The following CACNA2D1 variants were observed in gnomAD, a reference collection of about 807,000 sequenced individuals.
The protein encoded by CACNA2D1 is calcium voltage-gated channel auxiliary subunit alpha2delta 1, also known as voltage-dependent calcium channel subunit alpha-2/delta-1.
In CACNA2D1, 53 loss-of-function variants were observed where a neutral mutation model predicts 171.5. That is an observed-to-expected ratio of 0.31 (90% CI 0.25 to 0.39). The LOEUF (loss-of-function observed/expected upper bound fraction) is 0.39. Among genes scored for constraint, CACNA2D1 ranks in the 10% least tolerant of loss-of-function variants. CACNA2D1 has a pLI of 1.00. For synonymous variants in CACNA2D1, 442 were observed against 443.1 expected, an observed-to-expected ratio of 1.00 and a Z score of 0.03; for missense variants, 903 against 1,299.8, an observed-to-expected ratio of 0.69 and a Z score of 4.69.
intron 7 of CACNA2D1, among the ~76,000 whole-genome samples, chr7:82,076,580 C>A (rs1278558707): frequency 6.6e-6 from 1 of 152,072 alleles, no homozygotes; most frequent in Non-Finnish European, 1.5e-5. Flanking sequence ...CCTATTTGAT[C>A]CCTTTTTCAG....
chr7:82,137,889 T>A (rs1584883410), intron 4 of CACNA2D1, among the ~76,000 whole-genome samples: 1 of 151,802 alleles, frequency 6.6e-6, no homozygotes. Context: ...AGCAAACATA[T>A]AATACACAAT....
intron 10 of CACNA2D1, among the ~76,000 whole-genome samples, chr7:82,045,846 G>A (rs1363684293): frequency 6.6e-6 from 1 of 152,122 alleles, no homozygotes; most frequent in Non-Finnish European, 1.5e-5. Context: ...TGAGGTGTAC[G>A]ATGTTAAAGT....
rs1411076509 is a variant in CACNA2D1 at position 81,948,735 on chromosome 7, TA to T, written c.*1656del. 6.6e-6 allele frequency: 1 copy of T among 151,954 alleles called. No homozygotes were observed. Among genetic ancestry groups the T allele is most frequent in the African/African-American group, 2.4e-5 (1 of 41,436 alleles). 9.4% of individuals were successfully genotyped at this position (151,954 alleles called of 1,614,324 possible). On this transcript the variant is annotated 3_prime_UTR_variant, in exon 39 of 39. Transcript: ENST00000356860. Reference sequence around the variant, plus strand: ...AAAAAAGAAAAACTGCATTTTATCATAAAAAATATCTACATACGTTCAGCCT... The same window carrying T: ...AAAAAAGAAAAACTGCATTTTATCATAAAAATATCTACATACGTTCAGCCT...
intron 5 of CACNA2D1, among the ~76,000 whole-genome samples, chr7:82,132,286 T>C (rs1791083703): frequency 6.6e-6 from 1 of 152,234 alleles, no homozygotes; most frequent in Non-Finnish European, 1.5e-5. Flanking sequence ...CTTTAATATG[T>C]CAAGAAGAAC....
chr7:82,032,250 C>T (rs1382709158), intron 12 of CACNA2D1, among the ~76,000 whole-genome samples: 4 of 151,828 alleles, frequency 2.6e-5, no homozygotes, highest in Non-Finnish European at 5.9e-5. Flanking sequence ...TTATGAAATG[C>T]TTTCTTTTAA....
intron 3 of CACNA2D1, among the ~76,000 whole-genome samples, chr7:82,243,038 T>C (rs1041689448): frequency 6.6e-6 from 1 of 152,166 alleles, no homozygotes; most frequent in Non-Finnish European, 1.5e-5. Context: ...GGACAGTTTA[T>C]GTTATCAAAA....
rs987453867 is a variant in CACNA2D1, at chr7:82,289,258, C to A, written c.294+45877G>T. On this transcript the variant is annotated intron_variant, in intron 3 of 38. Coordinates refer to ENST00000356860, the MANE Select transcript of CACNA2D1 (RefSeq NM_000722.4). ...ATGACTTTAAGAATCAAGTATCCAA[C>A]ATATACATAATTTAGTACAAACATC... Among the ~76,000 whole-genome samples the A allele has an allele frequency of 8.5e-5, 13 of 152,304 alleles. No individual in the cohort carries two copies. The Middle Eastern group carries it at 0.01, about 120-fold the overall frequency.
chr7:82,439,520 G>A (rs939983541), intron 1 of CACNA2D1, among the ~76,000 whole-genome samples: 2 of 151,574 alleles, frequency 1.3e-5, no homozygotes, highest in Admixed American at 6.6e-5. Context: ...GAAAGCCATG[G>A]GAGGGGGAGA....
intron 16 of CACNA2D1, among the ~76,000 whole-genome samples, chr7:82,007,043 T>G (rs1799188310): frequency 6.6e-6 from 1 of 152,078 alleles, no homozygotes; most frequent in South Asian, 2.1e-4. Context: ...CAATCCTATT[T>G]AAAATCAAAA....
At chr7:81,999,744 A>T (rs891513474) in intron 18 of CACNA2D1, among the ~76,000 whole-genome samples, 1 of 152,206 alleles carries the variant, frequency 6.6e-6, no homozygotes, top group South Asian at 2.1e-4. Context: ...GTATAAGATA[A>T]TACATAAAAA....
At chr7:82,043,422 T>A (rs1804185106) in intron 10 of CACNA2D1, among the ~76,000 whole-genome samples, 1 of 152,196 alleles carries the variant, frequency 6.6e-6, no homozygotes, top group Non-Finnish European at 1.5e-5. Flanking sequence ...AAGATTCAGA[T>A]AAACTGCCTC....
chr7:81,970,091 G>C (rs1056346909), intron 27 of CACNA2D1, 107 bp from the exon 28 acceptor site: 3 of 731,356 alleles, frequency 4.1e-6, no homozygotes, highest in Admixed American at 1.9e-5. Context: ...TCTCAGGTAT[G>C]TCTAAAGAAG....
At chr7:82,074,243 T>C (rs980595283) in intron 7 of CACNA2D1, among the ~76,000 whole-genome samples, 9 of 152,176 alleles carry the variant, frequency 5.9e-5, no homozygotes, top group African/African-American at 1.9e-4. Context: ...TTTTTATTTT[T>C]TGAGATGGAG....
chr7:82,407,849 G>A (rs532901484), intron 1 of CACNA2D1, among the ~76,000 whole-genome samples: 2 of 151,948 alleles, frequency 1.3e-5, no homozygotes, highest in South Asian at 2.1e-4. Flanking sequence ...ATCTATCCCT[G>A]ATAGATTAGG....
chr7:82,312,509 C>CTTTT (rs557443177), intron 3 of CACNA2D1, among the ~76,000 whole-genome samples: 10 of 118,990 alleles, frequency 8.4e-5, no homozygotes, highest in East Asian at 2.3e-4. Context: ...TTAACTGAAA[C>CTTTT]TTTTTTTTTT....
chr7:82,170,206 T>C (rs1795870231), intron 4 of CACNA2D1, among the ~76,000 whole-genome samples: 1 of 151,980 alleles, frequency 6.6e-6, no homozygotes, highest in East Asian at 1.9e-4. Flanking sequence ...CCAACTTGTA[T>C]ATTCATAATA....
At chr7:82,058,060 T>C (rs1233574232) in intron 10 of CACNA2D1, among the ~76,000 whole-genome samples, 1 of 152,124 alleles carries the variant, frequency 6.6e-6, no homozygotes, top group Non-Finnish European at 1.5e-5. Context: ...AGTCTGTTTT[T>C]CCCACACACA....
In CACNA2D1 at chr7:82,048,929, G is replaced by T. The variant is rs142887848; in HGVS notation, c.880-10694C>A. On this transcript the variant is annotated intron_variant, in intron 10 of 38. Transcript: ENST00000356860. ...ATTCTAAAAACAATAGTTCAGTTTA[G>T]AATAAAATTATTCCCTTTGCCTCAC... is the stretch of plus-strand genomic sequence containing the variant. Among the ~76,000 whole-genome samples, 463 of 151,938 alleles carry T rather than the reference G, an allele frequency of 3.0e-3. 4 individuals are homozygous for T. The highest frequency in any genetic ancestry group is 8.0e-3 in the African/African-American group (331 of 41,492).
At chr7:82,295,718 AC>A (rs780683161) in intron 3 of CACNA2D1, among the ~76,000 whole-genome samples, 41 of 152,038 alleles carry the variant, frequency 2.7e-4, no homozygotes, top group Non-Finnish European at 5.3e-4. Context: ...CCAGTTTGTG[AC>A]AAAAAAAAAA....
Sources: gnomAD v4.1 joint callset for allele counts (sites outside exome capture counted in the v4.1 genomes callset) on GRCh38, gnomAD v4.1.1 for gene constraint, MANE v1.5 for transcripts, NCBI Gene and HGNC (gene_info 2026-07-23, HGNC 2026-07-21) for gene names.